ADGRL3: variants seen among roughly 807,000 people sequenced by gnomAD.
ADGRL3 encodes the protein adhesion G protein-coupled receptor L3.
A neutral mutation model predicts 153.5 loss-of-function variants in ADGRL3; 62 were observed. The observed-to-expected ratio is 0.40, with a 90% CI of 0.33 to 0.50. ADGRL3 has a LOEUF of 0.50. ADGRL3 is among the 20% of genes least tolerant of loss of function. The probability of loss-of-function intolerance (pLI) is 0.47; values close to 1 mark genes in which losing one functional copy is unlikely to be tolerated. For synonymous variants in ADGRL3, 710 were observed against 672.5 expected (o/e 1.06, Z -0.86); for missense variants, 1,641 against 1,859.4 (o/e 0.88, Z 2.16).
chr4:61,711,430 A>G (rs1334110837), intron 6 of ADGRL3, among the ~76,000 whole-genome samples: 1 of 136,164 alleles, frequency 7.3e-6, no homozygotes, highest in East Asian at 2.3e-4. Flanking sequence ...TACAAACCTA[A>G]CAATACTATC....
rs575314343 is a variant in ADGRL3 at position 61,391,989 on chromosome 4, A to G, written c.-174+8800A>G. On this transcript the variant is annotated intron_variant, in intron 2 of 26. Coordinates refer to ENST00000683033, the MANE Select transcript of ADGRL3 (RefSeq NM_001387552.1). ...ATTCTCCTGCCTCAGCCTCCCGAGT[A>G]GCTGGGACTGCAGGCGCCTGCCACC... Among the ~76,000 whole-genome samples, 14 of 149,060 alleles carry G rather than the reference A, an allele frequency of 9.4e-5. No individual in the cohort carries two copies. The South Asian group carries it at 3.0e-3, about 32-fold the overall frequency.
chr4:61,453,919 A>G (rs1267151721), intron 2 of ADGRL3, among the ~76,000 whole-genome samples: 1 of 152,124 alleles, frequency 6.6e-6, no homozygotes, highest in Non-Finnish European at 1.5e-5. Context: ...GTACCTGTCC[A>G]CAACACAAAT....
intron 5 of ADGRL3, among the ~76,000 whole-genome samples, chr4:61,641,008 A>G (rs1284166413): frequency 1.3e-5 from 2 of 152,160 alleles, no homozygotes; most frequent in Non-Finnish European, 2.9e-5. Context: ...TTCCACTTAA[A>G]CAGTTTATAT....
intron 21 of ADGRL3, among the ~76,000 whole-genome samples, chr4:62,009,709 C>T (rs1298720029): frequency 6.6e-6 from 1 of 151,984 alleles, no homozygotes; most frequent in Admixed American, 6.6e-5. Context: ...AACTGGTGTC[C>T]AACAATGCAA....
chr4:61,571,967 G>GT, intron 4 of ADGRL3, among the ~76,000 whole-genome samples: 1 of 152,186 alleles, frequency 6.6e-6, no homozygotes, highest in East Asian at 1.9e-4. Flanking sequence ...ACAGCTGTTT[G>GT]TTGAATGAAT....
chr4:61,547,511 A>G (rs2148740468), intron 4 of ADGRL3, among the ~76,000 whole-genome samples: 1 of 152,014 alleles, frequency 6.6e-6, no homozygotes, highest in East Asian at 1.9e-4. Flanking sequence ...AGTATGTGGT[A>G]TTTGGTTTTC....
At chr4:61,646,016 C>T (rs2093962006) in intron 5 of ADGRL3, among the ~76,000 whole-genome samples, 5 of 152,154 alleles carry the variant, frequency 3.3e-5, no homozygotes, top group Admixed American at 2.6e-4. Flanking sequence ...AACTTCCCTT[C>T]TCGCTTCATT....
intron 2 of ADGRL3, among the ~76,000 whole-genome samples, chr4:61,428,892 A>C (rs55832503): frequency 0.021 from 1,562 of 76,044 alleles, 15 homozygotes; most frequent in Admixed American, 0.043. Context: ...ATCTATCTAT[A>C]TCATCTATCT....
chr4:61,271,358 A>G (rs2093169547), intron 1 of ADGRL3, among the ~76,000 whole-genome samples: 1 of 151,954 alleles, frequency 6.6e-6, no homozygotes, highest in Non-Finnish European at 1.5e-5. Context: ...CCCTAGAGCT[A>G]TTTGTGGCTT....
At chr4:61,423,747 T>A (rs1021480921) in intron 2 of ADGRL3, among the ~76,000 whole-genome samples, 2 of 152,184 alleles carry the variant, frequency 1.3e-5, no homozygotes, top group Non-Finnish European at 2.9e-5. Context: ...CCTGGTTGTG[T>A]TGTTCTTTAT....
chr4:61,551,843 G>C (rs576856454), intron 4 of ADGRL3, among the ~76,000 whole-genome samples: 3 of 152,176 alleles, frequency 2.0e-5, no homozygotes, highest in African/African-American at 7.2e-5. Context: ...GCAATATTCT[G>C]AAAAGGCTGA....
intron 17 of ADGRL3, among the ~76,000 whole-genome samples, chr4:61,978,687 A>C (rs1369090238): frequency 6.6e-6 from 1 of 152,194 alleles, no homozygotes; most frequent in Non-Finnish European, 1.5e-5. Flanking sequence ...ACAGAAATGA[A>C]GTAATTGACA....
intron 21 of ADGRL3, among the ~76,000 whole-genome samples, chr4:62,017,421 T>C (rs1338422110): frequency 1.3e-5 from 2 of 151,694 alleles, no homozygotes; most frequent in Non-Finnish European, 2.9e-5. Flanking sequence ...ATAAATAGTT[T>C]TTTTTAATTT....
In ADGRL3 at chr4:62,070,577, C is replaced by T. The variant is rs1322365423; in HGVS notation, c.4301C>T (p.Pro1434Leu). ...IPQDHSESFF[P>L]LLTNEHTEDL... ...CAAGACCACAGTGAGAGCTTTTTCCCTTTGCTAACCAACGAGCACACAGAA... is the reference window on the plus strand; with the variant it reads ...CAAGACCACAGTGAGAGCTTTTTCCTTTTGCTAACCAACGAGCACACAGAA... The change falls in exon 27 of 27, where the codon CCT becomes CTT. Residue 1434 changes from proline (P) to leucine (L), a missense_variant. Pro to Leu is a moderately conservative substitution (Grantham distance 98). Transcript: ENST00000683033. 9.0e-6 allele frequency: 14 copies of T among 1,551,348 alleles called. No individual in the cohort carries two copies. The highest frequency in any genetic ancestry group is 1.2e-5 in the Non-Finnish European group (14 of 1,146,996).
chr4:61,527,942 G>A (rs1027901216), intron 4 of ADGRL3, among the ~76,000 whole-genome samples: 2 of 151,924 alleles, frequency 1.3e-5, no homozygotes, highest in African/African-American at 2.4e-5. Flanking sequence ...TCTTGGTTTC[G>A]TTCTCTCACC....
chr4:61,388,382 C>G (rs1268556819), intron 2 of ADGRL3, among the ~76,000 whole-genome samples: 1 of 152,172 alleles, frequency 6.6e-6, no homozygotes, highest in East Asian at 1.9e-4. Context: ...CTATTTTCCA[C>G]AGGAAATGAC....
chr4:61,370,107 G>C (rs1430494761), intron 1 of ADGRL3, among the ~76,000 whole-genome samples: 1 of 152,050 alleles, frequency 6.6e-6, no homozygotes, highest in African/African-American at 2.4e-5. Flanking sequence ...GCGTCTATTT[G>C]ATTCTTCTCT....
chr4:61,744,999 C>T (rs1217222445), intron 8 of ADGRL3, among the ~76,000 whole-genome samples: 1 of 152,070 alleles, frequency 6.6e-6, no homozygotes, highest in Non-Finnish European at 1.5e-5. Context: ...ACTAGAATAA[C>T]CAACACAGAG....
Position 61,559,295 on chromosome 4 carries a change from C to T in ADGRL3, c.260-27932C>T, listed in dbSNP as rs184978512. Among the ~76,000 whole-genome samples the T allele has an allele frequency of 1.4e-3, 211 of 152,136 alleles. 2 individuals are homozygous for T. The highest frequency in any genetic ancestry group is 0.01 in the Middle Eastern group (3 of 294). On this transcript the variant is annotated intron_variant, in intron 4 of 26. Coordinates refer to ENST00000683033, the MANE Select transcript of ADGRL3 (RefSeq NM_001387552.1). ...TTCTCTGAATAATAAACAAAATCTGCTTGTAGAGAAATAACTCAGTGGATA... is the reference window on the plus strand; with the variant it reads ...TTCTCTGAATAATAAACAAAATCTGTTTGTAGAGAAATAACTCAGTGGATA...
Sources: allele counts gnomAD v4.1 joint callset (sites outside exome capture counted in the v4.1 genomes callset), GRCh38; gene constraint gnomAD v4.1.1; transcripts MANE v1.5; gene names NCBI Gene and HGNC (gene_info 2026-07-23, HGNC 2026-07-21).